ADAMTS9: variants seen among roughly 807,000 people sequenced by gnomAD.
ADAMTS9 encodes the protein A disintegrin and metalloproteinase with thrombospondin motifs 9.
A neutral mutation model predicts 257.1 loss-of-function variants in ADAMTS9; 107 were observed. The observed-to-expected ratio is 0.42, with a 90% CI of 0.36 to 0.49. ADAMTS9 has a LOEUF of 0.49. Ranked by LOEUF, ADAMTS9 falls within the 20% of genes least tolerant of loss-of-function variation. ADAMTS9 has a pLI of 0.03. For synonymous variants in ADAMTS9, 982 were observed against 880.9 expected, an observed-to-expected ratio of 1.11 and a Z score of -2.03; for missense variants, 2,353 against 2,469.1, an observed-to-expected ratio of 0.95 and a Z score of 1.00.
chr3:64,541,583 A>T lies in ADAMTS9; in HGVS notation c.5235T>A (p.Leu1745=). 6.2e-7 allele frequency: 1 copy of T among 1,614,114 alleles called. No individual in the cohort carries two copies. Among genetic ancestry groups the T allele is most frequent in the Non-Finnish European group, 8.5e-7 (1 of 1,180,014 alleles). Residue 1745 remains leucine, a synonymous_variant, in exon 34 of 40, where the codon CTT becomes CTA. Transcript: ENST00000498707. The part of the protein sequence containing the change: ...LPQNCKEVKR[L]KGASEDGEYF... ...ATTCACCATCTTCACTGGCACCTTT[A>T]AGTCTTTTTACCTCCTTGCAATTCT...
At chr3:64,613,558 G>A in intron 21 of ADAMTS9, 49 bp from the exon 22 acceptor site, 1 of 1,567,462 alleles carries the variant, frequency 6.4e-7, no homozygotes, top group Non-Finnish European at 8.6e-7. Context: ...TCAATGTGTT[G>A]TGGTTTCTGG....
chr3:64,653,461 T>A (rs1700981375), intron 8 of ADAMTS9, among the ~76,000 whole-genome samples: 1 of 152,200 alleles, frequency 6.6e-6, no homozygotes. Context: ...ACCTGTTATA[T>A]ATTGAGCTAA....
At chr3:64,583,494 A>G (rs1433694947) in intron 28 of ADAMTS9, 1 of 152,174 alleles carries the variant, frequency 6.6e-6, no homozygotes, top group African/African-American at 2.4e-5. Context: ...CAATGGTGGC[A>G]CTATTTCCAG....
In ADAMTS9 at chr3:64,655,681, G is replaced by T; in HGVS notation, c.1064C>A (p.Ser355Tyr). ...IVIHNEQDGP[S>Y]ISFNAQTTLK... Reference sequence around the variant, plus strand: ...TGTTGTCTGAGCATTAAAAGATATGGAAGGCCCATCCTAAATACAGAGAAG... The same window carrying T: ...TGTTGTCTGAGCATTAAAAGATATGTAAGGCCCATCCTAAATACAGAGAAG... The change falls in exon 6 of 40, where the codon TCC (serine) becomes TAC (tyrosine). Residue 355 changes from serine (S) to tyrosine (Y), a missense_variant. This residue lies in a region of ADAMTS9 where 591 missense variants were observed against 569.6 expected (regional missense o/e 1.04). Transcript: ENST00000498707. 1.2e-6 allele frequency: 2 copies of T among 1,613,856 alleles called. No individual in the cohort carries two copies. The highest frequency in any genetic ancestry group is 1.7e-6 in the Non-Finnish European group (2 of 1,179,786).
chr3:64,541,043 CTGAA>C lies in ADAMTS9; in HGVS notation c.5521+48_5521+51del, dbSNP rs1462210838. On this transcript the variant is annotated intron_variant, in intron 36 of 39. Transcript: ENST00000498707. ...CCAATGTGCAAGACATGCTTGCTGT[CTGAA>C]TGGAGAGAAGAACGCACACGTTCCC... 1.7e-5 allele frequency: 27 copies of C among 1,606,834 alleles called. No homozygotes were observed. The East Asian group carries it at 6.0e-4, about 36-fold the overall frequency.
At chr3:64,558,494 C>T (rs113819908) in intron 30 of ADAMTS9, among the ~76,000 whole-genome samples, 58 of 152,110 alleles carry the variant, frequency 3.8e-4, no homozygotes, top group African/African-American at 1.1e-3. Flanking sequence ...CTCTAGGGGA[C>T]GCTCCTCACA....
At chr3:64,613,282 G>GC (rs2084701390) in intron 22 of ADAMTS9, 63 bp downstream of exon 22, 1 of 1,567,746 alleles carries the variant, frequency 6.4e-7, no homozygotes, top group East Asian at 2.3e-5. Context: ...ATGCTCCTTT[G>GC]CAAGTCCTCT....
At chr3:64,544,815 G>C (rs1333907238) in intron 32 of ADAMTS9, among the ~76,000 whole-genome samples, 3 of 152,170 alleles carry the variant, frequency 2.0e-5, no homozygotes, top group African/African-American at 7.2e-5. Flanking sequence ...ACTACCATCA[G>C]AGTGAACAGG....
At chr3:64,579,576 G>C (rs942486307) in intron 28 of ADAMTS9, among the ~76,000 whole-genome samples, 2 of 151,768 alleles carry the variant, frequency 1.3e-5, no homozygotes, top group Non-Finnish European at 2.9e-5. Context: ...AGGTTTTTGT[G>C]TGTTTTTTTT....
chr3:64,519,951 A>G (rs1336612773), intron 39 of ADAMTS9, among the ~76,000 whole-genome samples: 2 of 152,182 alleles, frequency 1.3e-5, no homozygotes, highest in African/African-American at 2.4e-5. Flanking sequence ...CAGAGCAATC[A>G]GGCAAGAGAA....
chr3:64,619,835 AT>A (rs930418345), intron 19 of ADAMTS9, among the ~76,000 whole-genome samples: 5 of 151,982 alleles, frequency 3.3e-5, no homozygotes, highest in African/African-American at 1.2e-4. Flanking sequence ...CCACCAATTC[AT>A]TTTTTTCCCC....
chr3:64,613,488 C>A lies in ADAMTS9; in HGVS notation c.3211G>T (p.Gly1071Trp). ...CACCAGACCTGGCGGTGCTTATGCC[C>A]TTTTCCACAGGTGACCAAGCACTGT... is the stretch of plus-strand genomic sequence containing the variant. ...WSECLVTCGK[G>W]HKHRQVWCQF... Residue 1071 changes from glycine (G) to tryptophan (W), a missense_variant, in exon 22 of 40, where the codon GGG (glycine) becomes TGG (tryptophan). Physicochemically the swap from Gly to Trp is radical, Grantham distance 184. Around this residue, in one of 3 missense-constraint regions of ADAMTS9, gnomAD observed 1,402 missense variants for 1,441.4 expected, o/e 0.97. Transcript: ENST00000498707. 5.6e-6 allele frequency: 9 copies of A among 1,613,622 alleles called. No homozygotes were observed. The highest frequency in any genetic ancestry group is 7.6e-6 in the Non-Finnish European group (9 of 1,179,754).
rs149774684 is a variant in ADAMTS9 at position 64,634,346 on chromosome 3, T to A, written c.1857-467A>T. Among the ~76,000 whole-genome samples, 335 of 152,334 alleles carry A rather than the reference T, an allele frequency of 2.2e-3. 2 individuals are homozygous for A. Among genetic ancestry groups the A allele is most frequent in the African/African-American group, 7.6e-3 (317 of 41,586 alleles). On this transcript the variant is annotated intron_variant, in intron 12 of 39. Transcript: ENST00000498707. Reference sequence around the variant, plus strand: ...TTGACATATTCACAGGAGACCATCATAAACTTGTTCCCTCACACCTCCATT... The same window carrying A: ...TTGACATATTCACAGGAGACCATCAAAAACTTGTTCCCTCACACCTCCATT...
chr3:64,536,777 C>G (rs886295085), intron 37 of ADAMTS9, among the ~76,000 whole-genome samples: 9 of 152,108 alleles, frequency 5.9e-5, no homozygotes, highest in Non-Finnish European at 1.3e-4. Context: ...TAAATGCTAG[C>G]TATTAATACC....
chr3:64,641,979 T>C lies in ADAMTS9; in HGVS notation c.1725A>G (p.Gly575=), dbSNP rs1469858173. The C allele has an allele frequency of 6.2e-7, 1 of 1,614,124 alleles. No homozygotes were observed. Among genetic ancestry groups the C allele is most frequent in the South Asian group, 1.1e-5 (1 of 91,084 alleles). Residue 575 remains glycine (G), a synonymous_variant, in exon 12 of 40, where the codon GGA becomes GGG. Transcript: ENST00000498707. Reference sequence around the variant, plus strand: ...CATCCATTTCTTTGGGAACACAAAATCCATACTTGCAGTGCTGTATTTAAT... The same window carrying C: ...CATCCATTTCTTTGGGAACACAAAACCCATACTTGCAGTGCTGTATTTAAT... ...ECEPGKHCKY[G]FCVPKEMDVP... is the part of the protein sequence containing the mutation.
intron 38 of ADAMTS9, among the ~76,000 whole-genome samples, chr3:64,529,982 ATTTTTTTTT>A (rs200385291): frequency 4.4e-3 from 470 of 106,506 alleles, no homozygotes; most frequent in African/African-American, 0.016. Context: ...CAGTTATTTA[ATTTTTTTTT>A]TTTTTTTTTT....
At chr3:64,555,662 G>A (rs2083324063) in intron 30 of ADAMTS9, among the ~76,000 whole-genome samples, 1 of 152,168 alleles carries the variant, frequency 6.6e-6, no homozygotes. Context: ...ACACAACGGG[G>A]CAATTCCCAT....
chr3:64,664,225 T>A (rs1332087218), intron 3 of ADAMTS9, among the ~76,000 whole-genome samples: 5 of 152,196 alleles, frequency 3.3e-5, no homozygotes, highest in African/African-American at 1.2e-4. Context: ...TTCTTGCTCT[T>A]CTTTTTTTCC....
intron 36 of ADAMTS9, 97 bp downstream of exon 36, chr3:64,540,993 TGTGCA>T (rs1179164471): frequency 8.5e-5 from 123 of 1,452,502 alleles, no homozygotes; most frequent in Non-Finnish European, 1.0e-4. Context: ...CAATGTGCAA[TGTGCA>T]ATACGCACCT....
Sources: allele counts gnomAD v4.1 joint callset (sites outside exome capture counted in the v4.1 genomes callset), GRCh38; gene constraint gnomAD v4.1.1; regional missense constraint gnomAD v4.1.1; transcripts MANE v1.5; gene names NCBI Gene and HGNC (gene_info 2026-07-23, HGNC 2026-07-21).